Variants in SLC8A1 observed in about 807,000 individuals in gnomAD.
SLC8A1 encodes solute carrier family 8 member A1.
In SLC8A1, 18 loss-of-function variants were observed where a neutral mutation model predicts 68.3. The ratio of observed to expected loss-of-function variants is 0.26; its 90% confidence interval spans 0.18 to 0.39. The LOEUF (loss-of-function observed/expected upper bound fraction) is 0.39. Among genes scored for constraint, SLC8A1 ranks in the 10% least tolerant of loss-of-function variants. SLC8A1 has a pLI of 1.00. For synonymous variants in SLC8A1, 475 were observed against 415.5 expected, an observed-to-expected ratio of 1.14 and a Z score of -1.74; for missense variants, 985 against 1,156.7, an observed-to-expected ratio of 0.85 and a Z score of 2.15.
intron 2 of SLC8A1, chr2:40,220,406 A>G (rs1273212165): frequency 2.0e-5 from 3 of 152,198 alleles, no homozygotes; most frequent in Non-Finnish European, 2.9e-5. Flanking sequence ...TTTAAGCTCA[A>G]TGCTTAGCCA....
At chr2:40,169,694 A>G (rs1368526852) in intron 4 of SLC8A1, among the ~76,000 whole-genome samples, 1 of 152,176 alleles carries the variant, frequency 6.6e-6, no homozygotes, top group Admixed American at 6.5e-5. Context: ...TAATCCTAAC[A>G]CTTGGTGAGG....
intron 2 of SLC8A1, among the ~76,000 whole-genome samples, chr2:40,382,270 C>G (rs943135928): frequency 6.6e-6 from 1 of 152,048 alleles, no homozygotes; most frequent in African/African-American, 2.4e-5. Flanking sequence ...TTCTCCTAAC[C>G]AATCTCTACT....
exon 8 of SLC8A1, chr2:40,106,179 T>G (rs1439273041): frequency 6.6e-6 from 1 of 152,204 alleles, no homozygotes; most frequent in Non-Finnish European, 1.5e-5. Context: ...GAAGGAAAAC[T>G]TTTTTCCTTT....
intron 2 of SLC8A1, among the ~76,000 whole-genome samples, chr2:40,370,952 T>A (rs777496387): frequency 6.6e-6 from 1 of 152,094 alleles, no homozygotes; most frequent in Non-Finnish European, 1.5e-5. Flanking sequence ...TAGTTGCTAT[T>A]TGAAGGTACC....
chr2:40,284,562 A>G (rs1282373514), intron 2 of SLC8A1, among the ~76,000 whole-genome samples: 2 of 147,404 alleles, frequency 1.4e-5, no homozygotes, highest in East Asian at 3.9e-4. Flanking sequence ...GTTGTTATAT[A>G]TATTGTTATA....
chr2:40,390,464 G>T (rs558282227), intron 2 of SLC8A1, among the ~76,000 whole-genome samples: 1 of 152,204 alleles, frequency 6.6e-6, no homozygotes, highest in African/African-American at 2.4e-5. Flanking sequence ...TCCAAGTAGA[G>T]TCCCTGGACC....
intron 1 of SLC8A1, among the ~76,000 whole-genome samples, chr2:40,459,485 A>C (rs1439337856): frequency 2.0e-5 from 3 of 152,184 alleles, no homozygotes; most frequent in African/African-American, 7.2e-5. Context: ...GCATGGCCAT[A>C]TGACTTGTAC....
chr2:40,493,424 C>G (rs1290668891), intron 1 of SLC8A1, among the ~76,000 whole-genome samples: 1 of 151,244 alleles, frequency 6.6e-6, no homozygotes, highest in African/African-American at 2.4e-5. Flanking sequence ...TGCAGCACAC[C>G]AGCATGGCAC....
At chr2:40,398,326 T>C (rs1687629690) in intron 2 of SLC8A1, among the ~76,000 whole-genome samples, 1 of 152,176 alleles carries the variant, frequency 6.6e-6, no homozygotes. Flanking sequence ...CCTATGTTAC[T>C]AACGCGTGTA....
At chr2:40,379,143 G>T (rs1285742614) in intron 2 of SLC8A1, among the ~76,000 whole-genome samples, 2 of 151,980 alleles carry the variant, frequency 1.3e-5, no homozygotes, top group African/African-American at 4.8e-5. Context: ...AAATCCCCAT[G>T]GTTATTTACT....
At position 40,139,390 on chromosome 2, in the gene SLC8A1, G is replaced by A. The variant is rs775780939; in HGVS notation, c.2437+11C>T. The A allele has an allele frequency of 1.8e-5, 29 of 1,613,442 alleles. No individual in the cohort carries two copies. Among genetic ancestry groups the A allele is most frequent in the Non-Finnish European group, 2.4e-5 (28 of 1,179,496 alleles). ...GCTACTGGGGGAATTATACATGAAT[G>A]TAATTTGTACCTGGCACTGATGTTC... On this transcript the variant is annotated intron_variant, in intron 7 of 7. Coordinates refer to ENST00000406785, the Ensembl canonical transcript of SLC8A1.
chr2:40,356,411 A>G (rs940188063), intron 2 of SLC8A1, among the ~76,000 whole-genome samples: 15 of 152,202 alleles, frequency 9.9e-5, no homozygotes, highest in Non-Finnish European at 2.2e-4. Context: ...ACATGACTTT[A>G]AAACAATTTA....
intron 1 of SLC8A1, among the ~76,000 whole-genome samples, chr2:40,471,753 T>G (rs913933327): frequency 6.6e-6 from 1 of 152,174 alleles, no homozygotes; most frequent in African/African-American, 2.4e-5. Context: ...GGAAACAAAT[T>G]TTTTGAAATT....
intron 6 of SLC8A1, among the ~76,000 whole-genome samples, chr2:40,151,485 TTTGCGGTTGTTG>T (rs2043419412): frequency 1.3e-5 from 2 of 152,180 alleles, no homozygotes; most frequent in Admixed American, 1.3e-4. Context: ...ACAGGGCAGA[TTTGCGGTTGTTG>T]TTGTTTTTTT....
intron 2 of SLC8A1, among the ~76,000 whole-genome samples, chr2:40,249,253 T>TA (rs1558947386): frequency 2.0e-5 from 3 of 152,226 alleles, no homozygotes; most frequent in Non-Finnish European, 4.4e-5. Context: ...ATCAATCAAG[T>TA]AAAAAAATAG....
chr2:40,178,470 A>T (rs1175779882), intron 2 of SLC8A1: 1 of 1,613,502 alleles, frequency 6.2e-7, no homozygotes, highest in Non-Finnish European at 8.5e-7. Flanking sequence ...CTCATCATCA[A>T]TTACCTTGAC....
At chr2:40,512,018 G>A (rs181993527) in intron 1 of SLC8A1, among the ~76,000 whole-genome samples, 218 of 152,164 alleles carry the variant, frequency 1.4e-3, no homozygotes, top group African/African-American at 5.1e-3. Context: ...AGAACCCCGC[G>A]GAAGCTGTGG....
chr2:40,265,412 G>A (rs750497769), intron 2 of SLC8A1, among the ~76,000 whole-genome samples: 14 of 152,088 alleles, frequency 9.2e-5, no homozygotes, highest in African/African-American at 2.2e-4. Flanking sequence ...CTTCCACTTC[G>A]AAGAAAATGG....
chr2:40,451,721 G>C (rs1702522333), intron 1 of SLC8A1, among the ~76,000 whole-genome samples, 183 bp downstream of exon 1: 1 of 139,536 alleles, frequency 7.2e-6, no homozygotes, highest in East Asian at 2.1e-4. Flanking sequence ...AAATGTGCAG[G>C]CGCGCACACA....
Sources: gnomAD v4.1 joint callset for allele counts (sites outside exome capture counted in the v4.1 genomes callset) on GRCh38, gnomAD v4.1.1 for gene constraint, MANE v1.5 for transcripts, NCBI Gene and HGNC (gene_info 2026-07-23, HGNC 2026-07-21) for gene names.